FOXP2: variants seen among roughly 807,000 people sequenced by gnomAD.
FOXP2 encodes forkhead box protein P2.
A neutral mutation model predicts 115.8 loss-of-function variants in FOXP2; 12 were observed. The ratio of observed to expected loss-of-function variants is 0.10; its 90% CI spans 0.07 to 0.17. FOXP2 has a LOEUF of 0.17. FOXP2 is among the 10% of genes least tolerant of loss of function. The pLI is 1.00. For synonymous variants in FOXP2, 328 were observed against 297.7 expected, an observed-to-expected ratio of 1.10 and a Z score of -1.05; for missense variants, 629 against 843.5, an observed-to-expected ratio of 0.75 and a Z score of 3.15.
At chr7:114,346,690 C>A (rs956502230) in intron 2 of FOXP2, among the ~76,000 whole-genome samples, 3 of 151,570 alleles carry the variant, frequency 2.0e-5, no homozygotes, top group African/African-American at 7.3e-5. Flanking sequence ...AAAACAAATA[C>A]CACATGACCT....
At chr7:114,248,680 A>T (rs1382295497) in intron 1 of FOXP2, among the ~76,000 whole-genome samples, 1 of 152,192 alleles carries the variant, frequency 6.6e-6, no homozygotes, top group African/African-American at 2.4e-5. Flanking sequence ...CCTTGTCCTC[A>T]GGAAAGGTTA....
chr7:114,610,962 A>G (rs1031861592), intron 3 of FOXP2, among the ~76,000 whole-genome samples: 3 of 151,984 alleles, frequency 2.0e-5, no homozygotes, highest in African/African-American at 4.8e-5. Flanking sequence ...TTCTTATACT[A>G]TTATCCCTAT....
chr7:114,459,243 G>T (rs890917425), intron 2 of FOXP2, among the ~76,000 whole-genome samples: 4 of 152,194 alleles, frequency 2.6e-5, no homozygotes, highest in African/African-American at 9.6e-5. Context: ...GAAAGGAGGG[G>T]AAATAGACTC....
At position 114,222,530 on chromosome 7, in the gene FOXP2, C is replaced by T. The variant is rs894045621; in HGVS notation, c.-102+59442C>T. On this transcript the variant is annotated intron_variant, in intron 1 of 17. Transcript: ENST00000634411. ...ATATGTATTTATTGGGCATTTACTA[C>T]GTGCCTGGCCTTATGTGTTACACTA... is the stretch of plus-strand genomic sequence containing the variant. Among the ~76,000 whole-genome samples the T allele has an allele frequency of 4.6e-5, 7 of 152,130 alleles. No individual in the cohort carries two copies. The South Asian group carries it at 8.3e-4, about 18-fold the overall frequency.
At chr7:114,534,203 A>G (rs1048100271) in intron 2 of FOXP2, among the ~76,000 whole-genome samples, 7 of 151,844 alleles carry the variant, frequency 4.6e-5, no homozygotes, top group African/African-American at 1.7e-4. Context: ...GTCAAATTTA[A>G]TTACAGCTTC....
chr7:114,385,825 A>ACTTCCAAGATGGTGGCGGGCCG (rs1206136026), intron 2 of FOXP2, among the ~76,000 whole-genome samples: 58 of 152,148 alleles, frequency 3.8e-4, no homozygotes, highest in African/African-American at 1.3e-3. Context: ...GTGGCGAGCC[A>ACTTCCAAGATGGTGGCGGGCCG]CTTCCAAGAT....
intron 2 of FOXP2, among the ~76,000 whole-genome samples, chr7:114,389,659 A>G (rs1562899667): frequency 6.6e-6 from 1 of 152,194 alleles, no homozygotes; most frequent in Non-Finnish European, 1.5e-5. Flanking sequence ...GGTTAGATGA[A>G]ATTTCAAAGT....
At chr7:114,184,619 T>C (rs1357168069) in intron 1 of FOXP2, among the ~76,000 whole-genome samples, 1 of 152,156 alleles carries the variant, frequency 6.6e-6, no homozygotes, top group Admixed American at 6.5e-5. Context: ...CAGCATTTCA[T>C]TGATACGTAG....
At chr7:114,233,659 A>T (rs1346396689) in intron 1 of FOXP2, among the ~76,000 whole-genome samples, 1 of 152,244 alleles carries the variant, frequency 6.6e-6, no homozygotes, top group African/African-American at 2.4e-5. Flanking sequence ...TCCACAATTG[A>T]CACAAAATTA....
At chr7:114,494,462 A>G (rs545984866) in intron 2 of FOXP2, among the ~76,000 whole-genome samples, 1 of 152,226 alleles carries the variant, frequency 6.6e-6, no homozygotes, top group South Asian at 2.1e-4. Flanking sequence ...TGGGATTACA[A>G]ATGCATGCCA....
chr7:114,136,498 A>G (rs1792042395), intron 1 of FOXP2, among the ~76,000 whole-genome samples: 1 of 152,044 alleles, frequency 6.6e-6, no homozygotes, highest in Admixed American at 6.5e-5. Context: ...TTATATAGTG[A>G]AAGATTATAG....
At chr7:114,286,998 C>T (rs925866997) in intron 1 of FOXP2, among the ~76,000 whole-genome samples, 1 of 152,046 alleles carries the variant, frequency 6.6e-6, no homozygotes, top group Non-Finnish European at 1.5e-5. Context: ...TGATGCCAGT[C>T]ATCCTTTTCA....
At chr7:114,160,601 G>A (rs149684940), upstream of FOXP2, among the ~76,000 whole-genome samples, 63 of 152,186 alleles carry the variant, frequency 4.1e-4, no homozygotes, top group African/African-American at 1.5e-3. Flanking sequence ...ATACTTGAGA[G>A]AATCTGCAAA....
At chr7:114,621,485 C>T (rs1804252422) in intron 3 of FOXP2, among the ~76,000 whole-genome samples, 1 of 151,984 alleles carries the variant, frequency 6.6e-6, no homozygotes, top group Non-Finnish European at 1.5e-5. Context: ...AGGACATTCA[C>T]GAAAAAGTAA....
intron 5 of FOXP2, 123 bp downstream of exon 5, chr7:114,630,128 A>G: frequency 6.5e-7 from 1 of 1,544,514 alleles, no homozygotes; most frequent in Non-Finnish European, 8.8e-7. Context: ...AGTATTATAT[A>G]TTTTTACTGA....
At chr7:114,584,907 C>A (rs1410365252) in intron 3 of FOXP2, among the ~76,000 whole-genome samples, 2 of 152,138 alleles carry the variant, frequency 1.3e-5, no homozygotes, top group Non-Finnish European at 2.9e-5. Flanking sequence ...AAAATACACA[C>A]AAGTGTTTCT....
intron 1 of FOXP2, among the ~76,000 whole-genome samples, chr7:114,147,362 A>G (rs568942080): frequency 2.0e-5 from 3 of 152,272 alleles, no homozygotes; most frequent in South Asian, 4.1e-4. Flanking sequence ...TATATTTTGT[A>G]GTGTGATATG....
intron 1 of FOXP2, among the ~76,000 whole-genome samples, chr7:114,166,948 T>G (rs756923180): frequency 3.3e-5 from 5 of 152,150 alleles, no homozygotes; most frequent in Non-Finnish European, 7.4e-5. Context: ...TGTGGAGCAA[T>G]GGGAATTCTC....
At chr7:114,487,357 G>A (rs1356575990) in intron 2 of FOXP2, among the ~76,000 whole-genome samples, 2 of 152,106 alleles carry the variant, frequency 1.3e-5, no homozygotes, top group Admixed American at 6.5e-5. Context: ...CACACAGCAG[G>A]GGGGCCCTGG....
Sources: gnomAD v4.1 joint callset for allele counts (sites outside exome capture counted in the v4.1 genomes callset) on GRCh38, gnomAD v4.1.1 for gene constraint, MANE v1.5 for transcripts, NCBI Gene and HGNC (gene_info 2026-07-23, HGNC 2026-07-21) for gene names.